PARD3: variants seen among roughly 807,000 people sequenced by gnomAD.
The protein encoded by PARD3 is partitioning defective 3 homolog.
PARD3 carries 75 observed loss-of-function variants against 155.4 expected under a neutral mutation model. That is an observed-to-expected ratio of 0.48 (90% CI 0.40 to 0.58). The LOEUF (loss-of-function observed/expected upper bound fraction) is 0.58. Among genes scored for constraint, PARD3 ranks in the 20% least tolerant of loss-of-function variants. The pLI is 0.00. For synonymous variants in PARD3, 576 were observed against 610.5 expected (o/e 0.94, Z 0.83); for missense variants, 1,642 against 1,721.7 (o/e 0.95, Z 0.82).
chr10:34,169,764 G>A (rs771202369), intron 22 of PARD3, among the ~76,000 whole-genome samples: 4 of 152,190 alleles, frequency 2.6e-5, no homozygotes, highest in Non-Finnish European at 5.9e-5. Flanking sequence ...GGAAACCACA[G>A]TTAAGGCATT....
In PARD3 at chr10:34,605,557, C is replaced by A. The variant is rs1249342547; in HGVS notation, c.223-88398G>T. Among the ~76,000 whole-genome samples, 17 of 36,108 alleles carry A rather than the reference C, an allele frequency of 4.7e-4. 2 individuals are homozygous for A. The highest frequency in any genetic ancestry group is 3.4e-3 in the African/African-American group (11 of 3,208). 23.7% of individuals were successfully genotyped at this position (36,108 alleles called of 152,430 possible). ...ATCTCCTATATATATATATATATAT[C>A]TCCTATATATATATATATCTCCTAT... On this transcript the variant is annotated intron_variant, in intron 2 of 24. Transcript: ENST00000374788.
chr10:34,684,110 A>G (rs1316362730), intron 2 of PARD3, among the ~76,000 whole-genome samples: 1 of 152,222 alleles, frequency 6.6e-6, no homozygotes, highest in Admixed American at 6.5e-5. Context: ...AATTCATACT[A>G]AAGTCCAAAA....
At chr10:34,287,341 G>A (rs1956449620) in intron 20 of PARD3, among the ~76,000 whole-genome samples, 1 of 151,866 alleles carries the variant, frequency 6.6e-6, no homozygotes, top group African/African-American at 2.4e-5. Flanking sequence ...ATACAATGTT[G>A]CCATGTTGAC....
rs1491115562 is a variant in PARD3, at chr10:34,725,103, CTT to C, written c.121-28686_121-28685del. On this transcript the variant is annotated intron_variant, in intron 1 of 24. Coordinates refer to ENST00000374788, the MANE Select transcript of PARD3 (RefSeq NM_001184785.2). Reference sequence around the variant, plus strand: ...GTTAAAAGGATTGAATGAGTCAAAACTTTGTGTGTGTGTGTGTGTGTGTGTGT... The same window carrying C: ...GTTAAAAGGATTGAATGAGTCAAAACTGTGTGTGTGTGTGTGTGTGTGTGT... Among the ~76,000 whole-genome samples the C allele has an allele frequency of 7.5e-3, 822 of 109,622 alleles. 6 individuals are homozygous for C. Among genetic ancestry groups the C allele is most frequent in the African/African-American group, 0.029 (790 of 26,808 alleles). 71.9% of individuals were successfully genotyped at this position (109,622 alleles called of 152,430 possible).
intron 5 of PARD3, among the ~76,000 whole-genome samples, chr10:34,432,041 CAAAAAAAAAAA>C (rs142848273): frequency 0.011 from 232 of 21,596 alleles, 1 homozygote; most frequent in Admixed American, 0.025. Context: ...GACTCTGTCT[CAAAAAAAAAAA>C]AAAAAAAAAA....
intron 22 of PARD3, among the ~76,000 whole-genome samples, chr10:34,241,341 C>CA (rs983851527): frequency 6.6e-6 from 1 of 151,968 alleles, no homozygotes; most frequent in African/African-American, 2.4e-5. Flanking sequence ...TTGGCCTAGT[C>CA]AAGGAGTGCA....
At position 34,543,908 on chromosome 10, in the gene PARD3, C is replaced by T. The variant is rs1283255996; in HGVS notation, c.223-26749G>A. On this transcript the variant is annotated intron_variant, in intron 2 of 24. Transcript: ENST00000374788. ...GGAAAGAGCACTAAATTAAGTATGTCAACACCATATATTCGGTACCTGCTC... is the reference window on the plus strand; with the variant it reads ...GGAAAGAGCACTAAATTAAGTATGTTAACACCATATATTCGGTACCTGCTC... 4.6e-5 allele frequency among the ~76,000 whole-genome samples: 7 copies of T among 152,260 alleles called. No homozygotes were observed. The South Asian group carries it at 1.0e-3, about 23-fold the overall frequency.
chr10:34,343,860 A>G, intron 15 of PARD3: 1 of 983,222 alleles, frequency 1.0e-6, no homozygotes, highest in Non-Finnish European at 1.2e-6. Context: ...GAGTGAAACA[A>G]TGAAATACAA....
intron 2 of PARD3, among the ~76,000 whole-genome samples, chr10:34,542,845 C>A (rs1054093413): frequency 7.2e-5 from 11 of 152,158 alleles, no homozygotes; most frequent in African/African-American, 2.7e-4. Flanking sequence ...GAAAATGATA[C>A]ATTCCTGTGA....
At chr10:34,371,512 AAAAAAAAAAAAAAAAAAAAAC>A (rs60552452) in intron 12 of PARD3, among the ~76,000 whole-genome samples, 1,715 of 130,306 alleles carry the variant, frequency 0.013, 268 homozygotes, top group African/African-American at 0.039. Context: ...AAAAAAAAAA[AAAAAAAAAAAAAAAAAAAAAC>A]AACGAAGGAA....
At chr10:34,367,597 G>A (rs1486826012) in intron 12 of PARD3, among the ~76,000 whole-genome samples, 1 of 152,080 alleles carries the variant, frequency 6.6e-6, no homozygotes, top group Non-Finnish European at 1.5e-5. Flanking sequence ...CCAGCTACTC[G>A]GGAGGCTAAG....
intron 22 of PARD3, among the ~76,000 whole-genome samples, chr10:34,248,633 G>A (rs1322479849): frequency 6.6e-6 from 1 of 152,146 alleles, no homozygotes; most frequent in Non-Finnish European, 1.5e-5. Context: ...CTCATGCTCT[G>A]TCTACAATAG....
intron 23 of PARD3, among the ~76,000 whole-genome samples, chr10:34,122,878 A>G (rs1281383541): frequency 6.6e-6 from 1 of 152,248 alleles, no homozygotes; most frequent in African/African-American, 2.4e-5. Context: ...TATGGCATGA[A>G]CAAAATAATG....
At chr10:34,790,417 GA>G (rs2134239556) in intron 1 of PARD3, among the ~76,000 whole-genome samples, 1 of 152,294 alleles carries the variant, frequency 6.6e-6, no homozygotes, top group Admixed American at 6.5e-5. Flanking sequence ...CAGAGTAACT[GA>G]AAGTGACAGA....
intron 2 of PARD3, among the ~76,000 whole-genome samples, chr10:34,688,405 G>C (rs2093988300): frequency 6.6e-6 from 1 of 152,162 alleles, no homozygotes; most frequent in Admixed American, 6.5e-5. Flanking sequence ...TGTCCATCAG[G>C]AAAGTTCACG....
intron 22 of PARD3, among the ~76,000 whole-genome samples, chr10:34,193,320 T>C (rs1950796026): frequency 6.6e-6 from 1 of 152,204 alleles, no homozygotes; most frequent in Non-Finnish European, 1.5e-5. Context: ...TTTCCCTAAA[T>C]AAAAATGTCA....
intron 2 of PARD3, among the ~76,000 whole-genome samples, chr10:34,557,218 A>G (rs2085075642): frequency 6.6e-6 from 1 of 152,160 alleles, no homozygotes; most frequent in South Asian, 2.1e-4. Context: ...GGTTTTGAGG[A>G]GAAAAATAGG....
chr10:34,442,944 A>G (rs1248482054), intron 5 of PARD3, among the ~76,000 whole-genome samples: 1 of 152,174 alleles, frequency 6.6e-6, no homozygotes, highest in Non-Finnish European at 1.5e-5. Context: ...TCTTTATGTC[A>G]TCTGGATAGT....
intron 20 of PARD3, among the ~76,000 whole-genome samples, chr10:34,306,972 C>T (rs1010615743): frequency 6.6e-6 from 1 of 151,984 alleles, no homozygotes; most frequent in Non-Finnish European, 1.5e-5. Flanking sequence ...CTGCAAGCTC[C>T]GCCTCCTGGG....
Sources: allele counts gnomAD v4.1 joint callset (sites outside exome capture counted in the v4.1 genomes callset), GRCh38; gene constraint gnomAD v4.1.1; transcripts MANE v1.5; gene names NCBI Gene and HGNC (gene_info 2026-07-23, HGNC 2026-07-21).